Variants in LEKR1 observed in about 807,000 individuals in gnomAD.
LEKR1 encodes leucine, glutamate and lysine rich 1, also known as protein LEKR1.
A neutral mutation model predicts 72.4 loss-of-function variants in LEKR1; 59 were observed. The observed-to-expected ratio is 0.82, with a 90% CI of 0.66 to 1.01. The LOEUF is 1.01. Ranked by LOEUF, LEKR1 falls within the 50% of genes least tolerant of loss-of-function variation. LEKR1 has a pLI of 0.00. For missense variants in LEKR1, 728 were observed against 759.2 expected (o/e 0.96, Z 0.48); for synonymous variants, 257 against 263.2 (o/e 0.98, Z 0.23).
At chr3:156,877,552 G>A (rs942550602) in intron 3 of LEKR1, among the ~76,000 whole-genome samples, 1 of 152,016 alleles carries the variant, frequency 6.6e-6, no homozygotes, top group East Asian at 1.9e-4. Flanking sequence ...TGAGAGGGTT[G>A]TCTATTTCCA....
intron 3 of LEKR1, among the ~76,000 whole-genome samples, chr3:156,894,193 A>G (rs1452485473): frequency 6.6e-6 from 1 of 152,182 alleles, no homozygotes; most frequent in Non-Finnish European, 1.5e-5. Flanking sequence ...CCAGGAAAAG[A>G]GTAATGTCTC....
At chr3:156,955,382 G>C (rs1396146329) in intron 6 of LEKR1, among the ~76,000 whole-genome samples, 1 of 151,956 alleles carries the variant, frequency 6.6e-6, no homozygotes, top group Non-Finnish European at 1.5e-5. Flanking sequence ...TCAATACTAT[G>C]TTTTATAGGA....
At chr3:156,963,636 T>TA (rs1560110569) in intron 6 of LEKR1, among the ~76,000 whole-genome samples, 2 of 151,598 alleles carry the variant, frequency 1.3e-5, no homozygotes, top group Admixed American at 6.6e-5. Flanking sequence ...GATTTCCTAC[T>TA]ATAATCTAAA....
chr3:157,025,391 G>T (rs376377543), intron 11 of LEKR1, among the ~76,000 whole-genome samples: 1 of 152,056 alleles, frequency 6.6e-6, no homozygotes, highest in African/African-American at 2.4e-5. Context: ...TAAACAGTAT[G>T]TTCTAAATAC....
intron 3 of LEKR1, among the ~76,000 whole-genome samples, chr3:156,860,908 A>G (rs1252441835): frequency 5.3e-5 from 8 of 152,156 alleles, no homozygotes; most frequent in Admixed American, 5.2e-4. Context: ...TGGCTTCTGT[A>G]TCACCAGATA....
intron 3 of LEKR1, among the ~76,000 whole-genome samples, chr3:156,875,854 G>A (rs1718488710): frequency 6.6e-6 from 1 of 151,942 alleles, no homozygotes; most frequent in South Asian, 2.1e-4. Context: ...AATTAGCTGG[G>A]TAAGGTGGCG....
chr3:156,842,401 G>T (rs1375523867), intron 2 of LEKR1, among the ~76,000 whole-genome samples: 2 of 151,636 alleles, frequency 1.3e-5, no homozygotes, highest in African/African-American at 4.8e-5. Flanking sequence ...TTTTATGCTG[G>T]CTTCTCTTTC....
intron 2 of LEKR1, among the ~76,000 whole-genome samples, chr3:156,848,483 C>T (rs2108535747): frequency 6.6e-6 from 1 of 152,238 alleles, no homozygotes; most frequent in Non-Finnish European, 1.5e-5. Flanking sequence ...TTTGCCATTT[C>T]ATTTTATGTA....
intron 3 of LEKR1, among the ~76,000 whole-genome samples, chr3:156,854,317 G>T (rs1265772670): frequency 2.7e-5 from 4 of 148,994 alleles, no homozygotes; most frequent in African/African-American, 7.4e-5. Flanking sequence ...CTAATTTTTT[G>T]ATATTTTTAG....
At chr3:156,980,494 A>AC (rs1372008125) in intron 7 of LEKR1, among the ~76,000 whole-genome samples, 1 of 151,836 alleles carries the variant, frequency 6.6e-6, no homozygotes, top group Admixed American at 6.6e-5. Context: ...TCCTTAGAAG[A>AC]CCCCCTAGGC....
chr3:157,009,383 A>C (rs922774347), intron 9 of LEKR1, among the ~76,000 whole-genome samples: 2 of 152,162 alleles, frequency 1.3e-5, no homozygotes, highest in Non-Finnish European at 2.9e-5. Context: ...TAACTGCTCA[A>C]TAGTTACATG....
chr3:157,003,231 A>C (rs1361798209), intron 9 of LEKR1, among the ~76,000 whole-genome samples: 1 of 152,108 alleles, frequency 6.6e-6, no homozygotes, highest in Non-Finnish European at 1.5e-5. Context: ...CATTTTGAAA[A>C]CCAGGTGAAG....
intron 6 of LEKR1, among the ~76,000 whole-genome samples, chr3:156,955,165 G>A (rs995610911): frequency 6.6e-6 from 1 of 151,896 alleles, no homozygotes; most frequent in Admixed American, 6.6e-5. Context: ...TGGCTCACCT[G>A]TTGTTGATGT....
At position 157,045,582 on chromosome 3, in the gene LEKR1, C is replaced by A. The variant is rs144318565; in HGVS notation, c.1911C>A (p.Arg637=). Residue 637 remains arginine (R), a synonymous_variant, in exon 13 of 13, where the codon CGC becomes CGA. Transcript: ENST00000356539. The stretch of plus-strand genomic sequence containing the variant: ...AAGGAATCCAAATTCCCAACCTGCG[C>A]GGGGTGTCAAAACCCACCACTTTCC... ...SEKGIQIPNL[R]GVSKPTTFPT... is the part of the protein sequence containing the mutation. 18 of 1,613,972 alleles carry A rather than the reference C, an allele frequency of 1.1e-5. No homozygotes were observed. The East Asian group carries it at 1.8e-4, about 16-fold the overall frequency.
chr3:156,923,920 G>A (rs1724455564), intron 4 of LEKR1, among the ~76,000 whole-genome samples: 3 of 152,068 alleles, frequency 2.0e-5, no homozygotes, highest in Admixed American at 6.5e-5. Context: ...GTAGAGATGG[G>A]ATTTCACCGT....
chr3:156,853,836 T>G (rs1287512385), intron 3 of LEKR1, among the ~76,000 whole-genome samples: 3 of 152,126 alleles, frequency 2.0e-5, no homozygotes, highest in Admixed American at 1.3e-4. Context: ...TTTATGATAT[T>G]TTCATGGAAA....
At chr3:156,980,725 G>T (rs1470186485) in intron 7 of LEKR1, among the ~76,000 whole-genome samples, 1 of 152,192 alleles carries the variant, frequency 6.6e-6, no homozygotes, top group Non-Finnish European at 1.5e-5. Flanking sequence ...TAGGGAGGTG[G>T]TGTTAGCACA....
chr3:156,988,474 G>A (rs1730886473), intron 7 of LEKR1: 3 of 193,542 alleles, frequency 1.6e-5, no homozygotes, highest in Non-Finnish European at 2.3e-5. Flanking sequence ...CCTTACCCAC[G>A]AAAATTCCTG....
chr3:156,982,556 G>A (rs1016420918), intron 7 of LEKR1, among the ~76,000 whole-genome samples: 8 of 152,158 alleles, frequency 5.3e-5, no homozygotes. Flanking sequence ...TTTATCCTTA[G>A]AACAAATAAT....
Sources: gnomAD v4.1 joint callset for allele counts (sites outside exome capture counted in the v4.1 genomes callset) on GRCh38, gnomAD v4.1.1 for gene constraint, MANE v1.5 for transcripts, NCBI Gene and HGNC (gene_info 2026-07-23, HGNC 2026-07-21) for gene names.